PCNX3: variants seen among roughly 807,000 people sequenced by gnomAD.
The protein encoded by PCNX3 is pecanex-like protein 3.
Under a neutral mutation model 207.2 loss-of-function variants are expected in PCNX3, and 58 were observed. The ratio of observed to expected loss-of-function variants is 0.28; its 90% CI spans 0.23 to 0.35. The LOEUF (loss-of-function observed/expected upper bound fraction) is 0.35. Ranked by LOEUF, PCNX3 falls within the 10% of genes least tolerant of loss-of-function variation. The probability of loss-of-function intolerance (pLI) is 1.00; values close to 1 mark genes in which losing one functional copy is unlikely to be tolerated. For synonymous variants in PCNX3, 1,337 were observed against 1,183.5 expected (o/e 1.13, Z -2.66); for missense variants, 2,410 against 2,774.4 (o/e 0.87, Z 2.95).
intron 11 of PCNX3, 58 bp from the exon 12 acceptor site, chr11:65,623,433 A>G: frequency 6.6e-7 from 1 of 1,518,204 alleles, no homozygotes; most frequent in Admixed American, 2.1e-5. Flanking sequence ...CATCTTCCCC[A>G]CTGCCCCACT....
In PCNX3 at chr11:65,623,660, C is replaced by T; in HGVS notation, c.2511+16C>T. ...CTTGCTGAAGGTCAGGCCGGGCTCTCTGTGTTTCCTTCCCCACCCGACTTT... is the reference window on the plus strand; with the variant it reads ...CTTGCTGAAGGTCAGGCCGGGCTCTTTGTGTTTCCTTCCCCACCCGACTTT... On this transcript the variant is annotated intron_variant, in intron 12 of 34. Transcript: ENST00000355703. The T allele has an allele frequency of 6.2e-7, 1 of 1,607,842 alleles. No homozygotes were observed. The highest frequency in any genetic ancestry group is 8.5e-7 in the Non-Finnish European group (1 of 1,176,524).
intron 8 of PCNX3, 83 bp downstream of exon 8, chr11:65,620,015 C>A (rs1000580499): frequency 2.1e-6 from 3 of 1,398,036 alleles, no homozygotes; most frequent in Non-Finnish European, 9.6e-7. Context: ...GGTGCTCGCT[C>A]GGCCCTGTGG....
chr11:65,618,085 G>A lies in PCNX3; in HGVS notation c.723G>A (p.Leu241=). ...SMADTPMSPL[L]KGSLSQELSK... The stretch of plus-strand genomic sequence containing the variant: ...CTGACACTCCCATGAGCCCCCTGCT[G>A]AAGGGGAGCCTCAGCCAGGAGCTGA... Residue 241 remains leucine (L), a synonymous_variant, in exon 6 of 35, where the codon CTG becomes CTA. Transcript: ENST00000355703. 6.2e-7 allele frequency: 1 copy of A among 1,609,028 alleles called. No individual in the cohort carries two copies.
In PCNX3 at chr11:65,627,045, T is replaced by G. The variant is rs1855429386; in HGVS notation, c.3521T>G (p.Phe1174Cys). ...GTCAGCCACCCGGACAAGTACTGCT[T>G]CTAGTGAGGACCACCCCACCCTCAA... is the stretch of plus-strand genomic sequence containing the variant. The part of the protein sequence containing the change: ...TVVSHPDKYC[F>C]YCRALLMTVA... The change falls in exon 21 of 35, where the codon TTC becomes TGC. Residue 1174 changes from phenylalanine to cysteine, a missense_variant. Phe to Cys is a radical substitution (Grantham distance 205). This residue lies in a region of PCNX3 where 333 missense variants were observed against 386.8 expected (regional missense o/e 0.86). Coordinates refer to ENST00000355703, the MANE Select transcript of PCNX3 (RefSeq NM_032223.4). 2.0e-6 allele frequency: 3 copies of G among 1,506,698 alleles called. No individual in the cohort carries two copies. The African/African-American group carries it at 4.2e-5, about 21-fold the overall frequency. The allele number at this position is 1,506,698 out of a possible 1,614,324, so 93.3% of individuals were successfully genotyped here.
At position 65,634,540 on chromosome 11, in the gene PCNX3, C is replaced by T. The variant is rs781527824; in HGVS notation, c.4704C>T (p.Pro1568=). Reference sequence around the variant, plus strand: ...GGATGGGGGTCCTTATGCCACAGCCCGTGGACCAGGATTGGAACTCCCCGC... The same window carrying T: ...GGATGGGGGTCCTTATGCCACAGCCTGTGGACCAGGATTGGAACTCCCCGC... The part of the protein sequence containing the change: ...IQYCASRRSQ[P]VDQDWNSPLV... The change falls in exon 29 of 35, where the codon CCC becomes CCT. Residue 1568 remains proline (P), a splice_region_variant and synonymous_variant. Coordinates refer to ENST00000355703, the MANE Select transcript of PCNX3 (RefSeq NM_032223.4). The T allele has an allele frequency of 6.9e-6, 11 of 1,590,806 alleles. No homozygotes were observed. The highest frequency in any genetic ancestry group is 1.3e-5 in the African/African-American group (1 of 74,610).
chr11:65,636,496 C>T lies in PCNX3; in HGVS notation c.5699C>T (p.Pro1900Leu). ...RPPPLLQWPP[P>L]RLPGPPPASP... is the part of the protein sequence containing the mutation. Reference sequence around the variant, plus strand: ...CCACCTCTGCTGCAGTGGCCTCCCCCTCGGCTCCCTGGACCACCCCCTGCA... The same window carrying T: ...CCACCTCTGCTGCAGTGGCCTCCCCTTCGGCTCCCTGGACCACCCCCTGCA... Residue 1900 changes from proline to leucine, a missense_variant, in exon 34 of 35, where the codon CCT becomes CTT. By Grantham distance (98) the Pro-to-Leu change is moderately conservative. Around this residue, in one of 8 missense-constraint regions of PCNX3, gnomAD observed 278 missense variants for 245.1 expected, o/e 1.13. Coordinates refer to ENST00000355703, the MANE Select transcript of PCNX3 (RefSeq NM_032223.4). The T allele has an allele frequency of 6.3e-7, 1 of 1,578,142 alleles. No homozygotes were observed. The highest frequency in any genetic ancestry group is 8.6e-7 in the Non-Finnish European group (1 of 1,163,880).
chr11:65,636,272 C>A lies in PCNX3; in HGVS notation c.5558C>A (p.Pro1853His), dbSNP rs1259751348. 6.2e-7 allele frequency: 1 copy of A among 1,601,472 alleles called. No homozygotes were observed. Among genetic ancestry groups the A allele is most frequent in the African/African-American group, 1.3e-5 (1 of 74,620 alleles). ...GGCCTGACCTCCCTCAGCAATAACCCCCCCGTGGCACACCCCACACCTGAG... is the reference window on the plus strand; with the variant it reads ...GGCCTGACCTCCCTCAGCAATAACCACCCCGTGGCACACCCCACACCTGAG... The part of the protein sequence containing the change: ...GGGLTSLSNN[P>H]PVAHPTPENT... The change falls in exon 33 of 35, where the codon CCC becomes CAC. Residue 1853 changes from proline (P) to histidine (H), a missense_variant. Pro to His is a moderately conservative substitution (Grantham distance 77, BLOSUM62 -2). Around this residue, in one of 8 missense-constraint regions of PCNX3, gnomAD observed 278 missense variants for 245.1 expected, o/e 1.13. Coordinates refer to ENST00000355703, the MANE Select transcript of PCNX3 (RefSeq NM_032223.4).
In PCNX3 at chr11:65,618,696, A is replaced by T. The variant is rs1854894488; in HGVS notation, c.1334A>T (p.Asp445Val). The change falls in exon 6 of 35, where the codon GAC becomes GTC. Residue 445 changes from aspartate (D) to valine (V), a missense_variant. This residue lies in a region of PCNX3 where 1,104 missense variants were observed against 970.3 expected (regional missense o/e 1.14). Transcript: ENST00000355703. The stretch of plus-strand genomic sequence containing the variant: ...CGATCGCAGCGCCGCTACAGTACTG[A>T]CAGCTCCTCTTCTACTTCCTGCTAC... ...SLRSQRRYST[D>V]SSSSTSCYSP... The T allele has an allele frequency of 1.2e-6, 2 of 1,613,086 alleles. No individual in the cohort carries two copies. Among genetic ancestry groups the T allele is most frequent in the Non-Finnish European group, 1.7e-6 (2 of 1,179,664 alleles).
chr11:65,621,113 G>C lies in PCNX3; in HGVS notation c.2235+147G>C, dbSNP rs1363712881. 4 of 1,106,374 alleles carry C rather than the reference G, an allele frequency of 3.6e-6. No individual in the cohort carries two copies. The Admixed American group carries it at 9.1e-5, about 25-fold the overall frequency. The allele number at this position is 1,106,374 out of a possible 1,614,324, so 68.5% of individuals were successfully genotyped here. On this transcript the variant is annotated intron_variant, in intron 10 of 34. Transcript: ENST00000355703. ...GCGCTCCAGGGGCCCTACTGTGTCT[G>C]TCCTGATCTTTGATGTTGGCAGAGA...
intron 22 of PCNX3, among the ~76,000 whole-genome samples, chr11:65,627,863 A>G (rs576652485): frequency 4.2e-4 from 64 of 152,238 alleles, no homozygotes; most frequent in Middle Eastern, 3.4e-3. Flanking sequence ...CTCCTCAGAA[A>G]TGGTTAGGGT....
intron 1 of PCNX3, 64 bp from the exon 2 acceptor site, chr11:65,616,760 T>G: frequency 6.6e-7 from 1 of 1,526,198 alleles, no homozygotes; most frequent in African/African-American, 1.4e-5. Context: ...ATGATGTTGA[T>G]GGCAGGTACA....
Position 65,636,119 on chromosome 11 carries a change from GCCTCTGGCCTCAGCCGTGTCCCT to G in PCNX3, c.5460-51_5460-29del. 5.1e-6 allele frequency: 8 copies of G among 1,559,360 alleles called. No homozygotes were observed. The South Asian group carries it at 7.1e-5, about 14-fold the overall frequency. ...GGGGCTGAGGACTCATGCTTGTGAGGCCTCTGGCCTCAGCCGTGTCCCTCCTGATCCCTTTTCTACCTCTCCAC... is the reference window on the plus strand; with the variant it reads ...GGGGCTGAGGACTCATGCTTGTGAGGCCTGATCCCTTTTCTACCTCTCCAC... On this transcript the variant is annotated intron_variant, in intron 32 of 34. Transcript: ENST00000355703.
chr11:65,629,281 A>T, intron 24 of PCNX3, 76 bp from the exon 25 acceptor site: 1 of 1,459,396 alleles, frequency 6.9e-7, no homozygotes, highest in Non-Finnish European at 9.4e-7. Context: ...ACCTTGTGGC[A>T]CAGGGAGAGC....
rs1376567181 is a variant in PCNX3 at position 65,629,370 on chromosome 11, G to A, written c.3955G>A (p.Asp1319Asn). Residue 1319 changes from aspartate to asparagine, a missense_variant, in exon 25 of 35, where the codon GAT becomes AAT. Physicochemically the swap from Asp to Asn is conservative, Grantham distance 23. Transcript: ENST00000355703. ...CTCTCTGAACAGCACTAAACGTGTGGATCATTCCAACACCCGCCTGGTCAC... is the reference window on the plus strand; with the variant it reads ...CTCTCTGAACAGCACTAAACGTGTGAATCATTCCAACACCCGCCTGGTCAC... The part of the protein sequence containing the change: ...WERDYNTKRV[D>N]HSNTRLVTQL... 6.2e-7 allele frequency: 1 copy of A among 1,611,262 alleles called. No individual in the cohort carries two copies. Among genetic ancestry groups the A allele is most frequent in the Non-Finnish European group, 8.5e-7 (1 of 1,178,628 alleles).
chr11:65,637,033 C>A lies in PCNX3; in HGVS notation c.*55C>A. The A allele has an allele frequency of 6.6e-7, 1 of 1,503,998 alleles. No individual in the cohort carries two copies. 93.2% of individuals were successfully genotyped at this position (1,503,998 alleles called of 1,614,324 possible). A position where few individuals can be genotyped will look rare whatever the true frequency, so the allele number is the denominator to read the frequency against. ...AGGATTCAGTAACGGACCTGCTCTG[C>A]TGCCTCTCTGCTGGACCACAGAACT... On this transcript the variant is annotated 3_prime_UTR_variant, in exon 35 of 35. Coordinates refer to ENST00000355703, the MANE Select transcript of PCNX3 (RefSeq NM_032223.4).
intron 10 of PCNX3, 134 bp downstream of exon 10, chr11:65,621,100 C>T (rs1855069891): frequency 2.5e-6 from 3 of 1,194,364 alleles, no homozygotes; most frequent in Non-Finnish European, 3.4e-6. Context: ...GCTCCAGGGG[C>T]CCTACTGTGT....
intron 32 of PCNX3, 77 bp from the exon 33 acceptor site, chr11:65,636,097 G>T: frequency 6.5e-7 from 1 of 1,533,010 alleles, no homozygotes; most frequent in South Asian, 1.2e-5. Flanking sequence ...TTGTCCTGGG[G>T]CTGAGGACTC....
Position 65,624,862 on chromosome 11 carries a change from G to A in PCNX3, c.2828-63G>A, listed in dbSNP as rs142456536. 663 of 1,491,286 alleles carry A rather than the reference G, an allele frequency of 4.4e-4. 3 individuals are homozygous for A. In the African/African-American group the frequency reaches 7.8e-3, roughly 18 times the overall value. The allele number at this position is 1,491,286 out of a possible 1,614,324, so 92.4% of individuals were successfully genotyped here. On this transcript the variant is annotated intron_variant, in intron 15 of 34. Transcript: ENST00000355703. ...GCCTCTGGGAGTTGAGGGGAAGCGC[G>A]GCTAGGGTTGAGGTGGGGTACCTGC... is the stretch of plus-strand genomic sequence containing the variant.
In PCNX3 at chr11:65,625,428, T is replaced by A; in HGVS notation, c.3053T>A (p.Phe1018Tyr). The A allele has an allele frequency of 4.4e-6, 7 of 1,603,148 alleles. No homozygotes were observed. The highest frequency in any genetic ancestry group is 5.9e-6 in the Non-Finnish European group (7 of 1,177,996). The change falls in exon 18 of 35, where the codon TTC becomes TAC. Residue 1018 changes from phenylalanine (F) to tyrosine (Y), a missense_variant. Physicochemically the swap from Phe to Tyr is conservative, Grantham distance 22 (BLOSUM62 3). Around this residue, in one of 8 missense-constraint regions of PCNX3, gnomAD observed 333 missense variants for 386.8 expected, o/e 0.86. Coordinates refer to ENST00000355703, the MANE Select transcript of PCNX3 (RefSeq NM_032223.4). The surrounding 1 kb of genome is among the most constrained non-coding windows in gnomAD (Gnocchi z 5.6). ...AGGTCTCTGATCCGGAGCAAGCTGT[T>A]CCCTGAGCTGGAGGAGCGCAGCTTG... is the stretch of plus-strand genomic sequence containing the variant. ...VLWSLIRSKLFPELEERSLET... is the reference protein window; with the variant it reads ...VLWSLIRSKLYPELEERSLET...
Sources: gnomAD v4.1 joint callset for allele counts (sites outside exome capture counted in the v4.1 genomes callset) on GRCh38, gnomAD v4.1.1 for gene constraint, gnomAD v4.1.1 regional missense constraint, Gnocchi (gnomAD v3.1) non-coding constraint, MANE v1.5 for transcripts, NCBI Gene and HGNC (gene_info 2026-07-23, HGNC 2026-07-21) for gene names.